PCDHA6: variants seen among roughly 807,000 people sequenced by gnomAD.
The protein encoded by PCDHA6 is protocadherin alpha 6.
In PCDHA6, 55 loss-of-function variants were observed where a neutral mutation model predicts 60.3. The ratio of observed to expected loss-of-function variants is 0.91; its 90% CI spans 0.73 to 1.14. PCDHA6 has a LOEUF of 1.14. PCDHA6 is among the 50% of genes most tolerant of loss of function. The pLI, the probability that PCDHA6 is intolerant of heterozygous loss-of-function variation, is 0.00. For synonymous variants in PCDHA6, 652 were observed against 557.9 expected, an observed-to-expected ratio of 1.17 and a Z score of -2.38; for missense variants, 1,327 against 1,256.5, an observed-to-expected ratio of 1.06 and a Z score of -0.85.
At chr5:140,985,151 A>G (rs1335001570) in intron 3 of PCDHA6, among the ~76,000 whole-genome samples, 3 of 152,092 alleles carry the variant, frequency 2.0e-5, no homozygotes, top group Admixed American at 2.0e-4. Flanking sequence ...GTTAGCCAGG[A>G]TTGTCTCAAT....
At chr5:140,859,674 A>G (rs1480845911) in intron 1 of PCDHA6, 1 of 154,702 alleles carries the variant, frequency 6.5e-6, no homozygotes. Flanking sequence ...ATAGCTTCAA[A>G]TAAAATTAAA....
At chr5:140,990,224 G>T (rs1368393390) in intron 3 of PCDHA6, among the ~76,000 whole-genome samples, 1 of 152,160 alleles carries the variant, frequency 6.6e-6, no homozygotes, top group Non-Finnish European at 1.5e-5. Flanking sequence ...GAAGTTTATT[G>T]TAACTAGCGT....
chr5:140,882,873 G>T, intron 1 of PCDHA6: 6 of 1,614,222 alleles, frequency 3.7e-6, no homozygotes, highest in Non-Finnish European at 5.1e-6. Flanking sequence ...ACACTGGACA[G>T]AGAGGAAATT....
chr5:140,935,380 A>C (rs1188418457), intron 1 of PCDHA6, among the ~76,000 whole-genome samples: 1 of 152,220 alleles, frequency 6.6e-6, no homozygotes, highest in Non-Finnish European at 1.5e-5. Context: ...AGAATTACTC[A>C]TTTGTTATCC....
intron 1 of PCDHA6, chr5:140,848,620 G>T (rs2150415241): frequency 6.3e-7 from 1 of 1,593,518 alleles, no homozygotes; most frequent in Non-Finnish European, 8.6e-7. Context: ...GCCGAACACG[G>T]CACCTTCGTG....
rs782071598 is a variant in PCDHA6 at position 140,883,785 on chromosome 5, G to C, written c.2394+53300G>C. On this transcript the variant is annotated intron_variant, in intron 1 of 3. Coordinates refer to ENST00000529310, the MANE Select transcript of PCDHA6 (RefSeq NM_018909.4). ...CGGGTGGGCGAGCGTGCGCTGTCGA[G>C]CTACGTGTCGGTGCACGCGGAGAGC... The C allele has an allele frequency of 1.3e-5, 21 of 1,612,402 alleles. No individual in the cohort carries two copies. In the East Asian group the frequency reaches 4.0e-4, roughly 31 times the overall value.
chr5:140,877,380 C>A, intron 1 of PCDHA6: 1 of 1,613,980 alleles, frequency 6.2e-7, no homozygotes, highest in Non-Finnish European at 8.5e-7. Context: ...CGACACGCAT[C>A]CTGGATGAGG....
chr5:141,006,338 A>G (rs1201287903), intron 3 of PCDHA6, among the ~76,000 whole-genome samples: 13 of 151,820 alleles, frequency 8.6e-5, no homozygotes, highest in African/African-American at 3.1e-4. Flanking sequence ...CAGCCTCCTG[A>G]GTAGCTGGGA....
intron 1 of PCDHA6, chr5:140,860,137 A>C (rs941289854): frequency 1.3e-5 from 2 of 150,438 alleles, no homozygotes; most frequent in Non-Finnish European, 3.0e-5. Flanking sequence ...GTGTGTGTAT[A>C]TATATGTATA....
intron 1 of PCDHA6, among the ~76,000 whole-genome samples, chr5:140,942,620 A>C (rs1304224304): frequency 3.5e-5 from 1 of 28,710 alleles, no homozygotes; most frequent in African/African-American, 2.6e-4. Context: ...TGCCAATTGT[A>C]AAAAAAAAAA....
intron 1 of PCDHA6, chr5:140,856,554 A>G: frequency 1.3e-6 from 2 of 1,598,244 alleles, no homozygotes; most frequent in Non-Finnish European, 1.7e-6. Context: ...TTGCTTACTT[A>G]CAAACTCAGT....
chr5:140,850,192 T>C lies in PCDHA6; in HGVS notation c.2394+19707T>C. 1.3e-6 allele frequency: 2 copies of C among 1,593,512 alleles called. 1 individual carries two copies. The highest frequency in any genetic ancestry group is 1.7e-6 in the Non-Finnish European group (2 of 1,167,634). On this transcript the variant is annotated intron_variant, in intron 1 of 3. Transcript: ENST00000529310. ...GAGAACGACAATGCGCCGGCGCTGC[T>C]GACACCTCGGATGAGGGGCACTGAC...
At chr5:140,997,206 T>A (rs2097763489) in intron 3 of PCDHA6, among the ~76,000 whole-genome samples, 1 of 152,118 alleles carries the variant, frequency 6.6e-6, no homozygotes, top group Non-Finnish European at 1.5e-5. Context: ...ATTGACATCA[T>A]TATTGAAACT....
intron 1 of PCDHA6, among the ~76,000 whole-genome samples, chr5:140,911,976 A>G (rs1270778875): frequency 6.6e-6 from 1 of 152,218 alleles, no homozygotes; most frequent in Non-Finnish European, 1.5e-5. Context: ...ATTAACTCAC[A>G]TGATCACAAG....
At chr5:140,868,100 AT>A (rs2050277597) in intron 1 of PCDHA6, 2 of 152,142 alleles carry the variant, frequency 1.3e-5, no homozygotes, top group South Asian at 4.1e-4. Context: ...TGATAATAAA[AT>A]TTATTTTATA....
intron 1 of PCDHA6, among the ~76,000 whole-genome samples, chr5:140,897,200 T>C (rs1462263623): frequency 1.3e-5 from 2 of 152,172 alleles, no homozygotes; most frequent in African/African-American, 4.8e-5. Context: ...TTTTTTATTA[T>C]ACTTTAAGTT....
intron 1 of PCDHA6, among the ~76,000 whole-genome samples, chr5:140,953,847 A>G (rs1165540937): frequency 6.6e-6 from 1 of 152,200 alleles, no homozygotes. Flanking sequence ...CCAGGTAAAC[A>G]TGTGCCATGG....
chr5:140,870,507 A>G (rs782584168), intron 1 of PCDHA6: 3 of 1,614,128 alleles, frequency 1.9e-6, no homozygotes, highest in African/African-American at 1.3e-5. Context: ...AGAACAACCC[A>G]CCAGGCTGCC....
Position 140,841,426 on chromosome 5 carries a change from C to A in PCDHA6, c.2394+10941C>A, listed in dbSNP as rs17844313. 720 of 1,612,904 alleles carry A rather than the reference C, an allele frequency of 4.5e-4. 14 individuals are homozygous for A. The East Asian group carries it at 5.0e-3, about 11-fold the overall frequency. ...GGAGCGGCCAGCTCCACTACTCCGT[C>A]CCCGAGGAGGCCAAACACGGCACCT... On this transcript the variant is annotated intron_variant, in intron 1 of 3. Coordinates refer to ENST00000529310, the MANE Select transcript of PCDHA6 (RefSeq NM_018909.4).
Sources: gnomAD v4.1 joint callset for allele counts (sites outside exome capture counted in the v4.1 genomes callset) on GRCh38, gnomAD v4.1.1 for gene constraint, MANE v1.5 for transcripts, NCBI Gene and HGNC (gene_info 2026-07-23, HGNC 2026-07-21) for gene names.